GOLGA4: variants seen among roughly 807,000 people sequenced by gnomAD.
GOLGA4 encodes golgin A4.
GOLGA4 carries 169 observed loss-of-function variants against 265.9 expected under a neutral mutation model. That is an observed-to-expected ratio of 0.64 (90% confidence interval 0.56 to 0.72). The LOEUF is 0.72. GOLGA4 is among the 30% of genes least tolerant of loss of function. The pLI, the probability that GOLGA4 is intolerant of heterozygous loss-of-function variation, is 0.00. For missense variants in GOLGA4, 2,482 were observed against 2,483.4 expected, an observed-to-expected ratio of 1.00 and a Z score of 0.01; for synonymous variants, 923 against 855.8, an observed-to-expected ratio of 1.08 and a Z score of -1.37.
chr3:37,296,090 T>A lies in GOLGA4; in HGVS notation c.685T>A (p.Ser229Thr), dbSNP rs150310305. The change falls in exon 7 of 24, where the codon TCT becomes ACT. Residue 229 changes from serine to threonine, a missense_variant. Physicochemically the swap from Ser to Thr is moderately conservative, Grantham distance 58. Transcript: ENST00000361924. The part of the protein sequence containing the change: ...QYISVLQTQV[S>T]LLKQRLRNGP... ...TAATGAAGCACATTTATATTAGGTT[T>A]CTCTACTGAAACAACGATTACGAAA... 7.6e-5 allele frequency: 122 copies of A among 1,613,588 alleles called. No individual in the cohort carries two copies. Among genetic ancestry groups the A allele is most frequent in the Non-Finnish European group, 1.0e-4 (118 of 1,179,602 alleles).
intron 22 of GOLGA4, among the ~76,000 whole-genome samples, chr3:37,358,842 C>T (rs148044171): frequency 1.3e-4 from 20 of 152,244 alleles, no homozygotes; most frequent in Admixed American, 1.2e-3. Flanking sequence ...AGAGTGCCAG[C>T]GACATGCGAC....
At position 37,324,874 on chromosome 3, in the gene GOLGA4, A is replaced by C. The variant is rs759694143; in HGVS notation, c.2988A>C (p.Glu996Asp). The part of the protein sequence containing the change: ...ENTALELSQK[E>D]KQFNAKMLEM... ...CTGCTCTAGAGCTTAGTCAGAAAGA[A>C]AAACAGTTTAATGCCAAAATGCTGG... Residue 996 changes from glutamate to aspartate, a missense_variant, in exon 14 of 24, where the codon GAA becomes GAC. Around this residue, in one of 3 missense-constraint regions of GOLGA4, gnomAD observed 1,536 missense variants for 1,483.7 expected, o/e 1.04. Coordinates refer to ENST00000361924, the MANE Select transcript of GOLGA4 (RefSeq NM_002078.5). The C allele has an allele frequency of 6.3e-7, 1 of 1,596,878 alleles. No homozygotes were observed. The highest frequency in any genetic ancestry group is 8.5e-7 in the Non-Finnish European group (1 of 1,175,044).
intron 1 of GOLGA4, among the ~76,000 whole-genome samples, chr3:37,248,967 C>T (rs1221721289): frequency 6.6e-6 from 1 of 152,180 alleles, no homozygotes; most frequent in Non-Finnish European, 1.5e-5. Context: ...GTTGATTAGT[C>T]AAGAGGTATT....
At chr3:37,337,029 C>T (rs1244782052) in intron 17 of GOLGA4, 114 bp from the exon 18 acceptor site, 1 of 704,632 alleles carries the variant, frequency 1.4e-6, no homozygotes, top group Non-Finnish European at 2.5e-6. Flanking sequence ...TGACCACTCC[C>T]TTGAGACTCT....
At chr3:37,364,272 C>G (rs931183022) in intron 23 of GOLGA4, among the ~76,000 whole-genome samples, 1 of 152,084 alleles carries the variant, frequency 6.6e-6, no homozygotes, top group Non-Finnish European at 1.5e-5. Flanking sequence ...CGGAGTTTCA[C>G]TCTTGTTGCC....
At chr3:37,353,894 A>G (rs2097082648) in intron 21 of GOLGA4, among the ~76,000 whole-genome samples, 1 of 151,964 alleles carries the variant, frequency 6.6e-6, no homozygotes, top group African/African-American at 2.4e-5. Context: ...TGCCCGACTG[A>G]ACTTTTTTTA....
chr3:37,280,381 G>T lies in GOLGA4; in HGVS notation c.163-1577G>T, dbSNP rs114854229. Among the ~76,000 whole-genome samples the T allele has an allele frequency of 9.6e-3, 1,455 of 152,250 alleles. 36 individuals carry two copies. The highest frequency in any genetic ancestry group is 0.033 in the African/African-American group (1,366 of 41,536). ...GTTCAGTGTACACACTTTGTTTCAT[G>T]TACAGAAATGGTGAAAAATATGATA... On this transcript the variant is annotated intron_variant, in intron 2 of 23. Coordinates refer to ENST00000361924, the MANE Select transcript of GOLGA4 (RefSeq NM_002078.5).
intron 2 of GOLGA4, among the ~76,000 whole-genome samples, chr3:37,256,374 G>T (rs978655103): frequency 2.6e-5 from 4 of 152,006 alleles, no homozygotes; most frequent in African/African-American, 9.7e-5. Flanking sequence ...GGAGGCTAAG[G>T]CAGGAGAATC....
At chr3:37,323,476 GT>G (rs997554525) in intron 13 of GOLGA4, 111 bp from the exon 14 acceptor site, 9 of 657,904 alleles carry the variant, frequency 1.4e-5, no homozygotes, top group Non-Finnish European at 2.4e-5. Context: ...CTTTTCTAGT[GT>G]TTGGTATGAT....
At chr3:37,360,446 T>C (rs938897504) in intron 22 of GOLGA4, among the ~76,000 whole-genome samples, 3 of 152,206 alleles carry the variant, frequency 2.0e-5, no homozygotes, top group Admixed American at 6.5e-5. Flanking sequence ...TTCTAGCTTG[T>C]CTTTTGGTTT....
intron 2 of GOLGA4, among the ~76,000 whole-genome samples, chr3:37,260,768 T>G (rs1443997712): frequency 6.6e-6 from 1 of 152,080 alleles, no homozygotes; most frequent in African/African-American, 2.4e-5. Flanking sequence ...ACATGAGAGA[T>G]GATAATCAAG....
chr3:37,345,443 T>C (rs1242288236), intron 20 of GOLGA4, among the ~76,000 whole-genome samples: 1 of 152,242 alleles, frequency 6.6e-6, no homozygotes, highest in Non-Finnish European at 1.5e-5. Flanking sequence ...CTTTGGAATT[T>C]GGCCCAGATA....
intron 10 of GOLGA4, chr3:37,313,476 T>C (rs976576575): frequency 2.6e-5 from 4 of 152,188 alleles, no homozygotes; most frequent in African/African-American, 7.2e-5. Flanking sequence ...GAAAATATTA[T>C]ATATGTCGGT....
At chr3:37,257,723 C>T (rs17036169) in intron 2 of GOLGA4, among the ~76,000 whole-genome samples, 4,193 of 151,148 alleles carry the variant, frequency 0.028, 147 homozygotes, top group African/African-American at 0.084. Flanking sequence ...TTGATAGCTT[C>T]ATTTTGCCTC....
chr3:37,263,773 C>G (rs1029126438), intron 2 of GOLGA4, among the ~76,000 whole-genome samples: 1 of 152,180 alleles, frequency 6.6e-6, no homozygotes, highest in African/African-American at 2.4e-5. Context: ...TTCAAATAGT[C>G]TTCATGAATG....
chr3:37,312,472 A>G (rs2096925697), intron 10 of GOLGA4, among the ~76,000 whole-genome samples: 1 of 151,790 alleles, frequency 6.6e-6, no homozygotes, highest in South Asian at 2.1e-4. Flanking sequence ...GTATCTAAGG[A>G]TTATCATCTT....
At chr3:37,335,504 T>C (rs1414476348) in intron 17 of GOLGA4, among the ~76,000 whole-genome samples, 1 of 152,168 alleles carries the variant, frequency 6.6e-6, no homozygotes, top group Non-Finnish European at 1.5e-5. Context: ...TAGCTAAAAA[T>C]GGTCCATTGT....
chr3:37,297,396 CACTT>C (rs10603508), intron 7 of GOLGA4, among the ~76,000 whole-genome samples: 5,830 of 152,262 alleles, frequency 0.038, 137 homozygotes, highest in African/African-American at 0.056. Flanking sequence ...GAGAAAGTTG[CACTT>C]ACCAGAACTC....
chr3:37,319,382 T>A, intron 12 of GOLGA4, 188 bp downstream of exon 12: 1 of 405,866 alleles, frequency 2.5e-6, no homozygotes, highest in East Asian at 4.1e-5. Context: ...AAAATTAAAT[T>A]TACTGATCTA....
Sources: allele counts gnomAD v4.1 joint callset (sites outside exome capture counted in the v4.1 genomes callset), GRCh38; gene constraint gnomAD v4.1.1; regional missense constraint gnomAD v4.1.1; transcripts MANE v1.5; gene names NCBI Gene and HGNC (gene_info 2026-07-23, HGNC 2026-07-21).